PRKCB: variants seen among roughly 807,000 people sequenced by gnomAD.
PRKCB encodes protein kinase C beta.
Under a neutral mutation model 81.5 loss-of-function variants are expected in PRKCB, and 13 were observed. The ratio of observed to expected loss-of-function variants is 0.16; its 90% CI spans 0.10 to 0.25. The LOEUF (loss-of-function observed/expected upper bound fraction) is 0.25, where lower values mean the gene tolerates loss of function less well. Among genes scored for constraint, PRKCB ranks in the 10% least tolerant of loss-of-function variants. The pLI is 1.00. For missense variants in PRKCB, 509 were observed against 875.7 expected (o/e 0.58, Z 5.29); for synonymous variants, 335 against 321.4 (o/e 1.04, Z -0.45).
intron 16 of PRKCB, among the ~76,000 whole-genome samples, chr16:24,209,382 A>G (rs1164207137): frequency 6.6e-6 from 1 of 152,034 alleles, no homozygotes; most frequent in Non-Finnish European, 1.5e-5. Context: ...TGCCACGGCC[A>G]CCAATCTAGC....
intron 2 of PRKCB, among the ~76,000 whole-genome samples, chr16:23,853,016 C>T (rs2045451062): frequency 6.6e-6 from 1 of 152,168 alleles, no homozygotes; most frequent in Admixed American, 6.6e-5. Flanking sequence ...TGCCGTTTGC[C>T]TTCTTTGGGG....
Position 23,936,194 on chromosome 16 carries a change from GT to G in PRKCB, c.206-52302del, listed in dbSNP as rs372807417. ...TACTGCAACCCCTATTCTCCACCTTGTTTTTTTTTTTTCCTGCTAATATTTG... is the reference window on the plus strand; with the variant it reads ...TACTGCAACCCCTATTCTCCACCTTGTTTTTTTTTTTCCTGCTAATATTTG... On this transcript the variant is annotated intron_variant, in intron 2 of 16. Transcript: ENST00000643927. 2.9e-3 allele frequency among the ~76,000 whole-genome samples: 415 copies of G among 142,378 alleles called. 2 individuals are homozygous for G. The highest frequency in any genetic ancestry group is 7.7e-3 in the East Asian group (38 of 4,924). 93.4% of individuals were successfully genotyped at this position (142,378 alleles called of 152,430 possible). A position where few individuals can be genotyped will look rare whatever the true frequency, so the allele number is the denominator to read the frequency against.
intron 5 of PRKCB, among the ~76,000 whole-genome samples, chr16:24,086,137 C>A (rs887787599): frequency 2.0e-5 from 3 of 152,086 alleles, no homozygotes; most frequent in African/African-American, 7.2e-5. Context: ...CTCATAAAAG[C>A]CACAGCATCA....
At chr16:23,993,231 G>C (rs1364443283) in intron 3 of PRKCB, among the ~76,000 whole-genome samples, 1 of 152,128 alleles carries the variant, frequency 6.6e-6, no homozygotes, top group Non-Finnish European at 1.5e-5. Flanking sequence ...TGATATTAAG[G>C]GGGTAGGATA....
chr16:24,138,383 C>T (rs1029542140), intron 9 of PRKCB, among the ~76,000 whole-genome samples: 3 of 152,214 alleles, frequency 2.0e-5, no homozygotes, highest in African/African-American at 7.2e-5. Flanking sequence ...GGTTTCATTT[C>T]ATTCTCTTTC....
chr16:24,134,904 CTG>C (rs1376156490), intron 9 of PRKCB, among the ~76,000 whole-genome samples: 4 of 152,084 alleles, frequency 2.6e-5, no homozygotes, highest in Admixed American at 2.6e-4. Context: ...GAGGGACACC[CTG>C]TCTCTTATAT....
At chr16:23,837,190 A>T (rs1264611876) in intron 1 of PRKCB, 185 bp from the exon 2 acceptor site, 2 of 737,922 alleles carry the variant, frequency 2.7e-6, no homozygotes, top group African/African-American at 1.8e-5. Flanking sequence ...GTGAAGGCAG[A>T]TGGGGGTTAC....
intron 9 of PRKCB, among the ~76,000 whole-genome samples, chr16:24,124,319 A>G (rs974730815): frequency 2.0e-5 from 3 of 152,118 alleles, no homozygotes; most frequent in Non-Finnish European, 4.4e-5. Context: ...CATCCTAGGA[A>G]CCATCAGAAG....
chr16:24,118,392 A>G (rs1487996882), intron 8 of PRKCB, among the ~76,000 whole-genome samples: 2 of 152,268 alleles, frequency 1.3e-5, no homozygotes, highest in Non-Finnish European at 2.9e-5. Context: ...GGATAAATAA[A>G]GCTCAGAACA....
At position 23,837,384 on chromosome 16, in the gene PRKCB, G is replaced by A; in HGVS notation, c.183G>A (p.Gly61=). The A allele has an allele frequency of 6.2e-7, 1 of 1,613,394 alleles. No individual in the cohort carries two copies. The highest frequency in any genetic ancestry group is 8.5e-7 in the Non-Finnish European group (1 of 1,179,674). Residue 61 remains glycine (G), a synonymous_variant, in exon 2 of 17, where the codon GGG becomes GGA. Transcript: ENST00000643927. ...SHCTDFIWGF[G]KQGFQCQVCC... ...CCTTCTGCTTTTGCAGGGGCTTCGG[G>A]AAGCAGGGATTCCAGTGCCAAGGTA...
chr16:24,044,097 G>A (rs906812187), intron 5 of PRKCB, among the ~76,000 whole-genome samples: 3 of 152,106 alleles, frequency 2.0e-5, no homozygotes, highest in African/African-American at 7.2e-5. Context: ...GCTCACACCT[G>A]TAATCCCAGC....
intron 16 of PRKCB, among the ~76,000 whole-genome samples, chr16:24,206,617 C>T (rs1038571025): frequency 6.6e-6 from 1 of 152,208 alleles, no homozygotes. Flanking sequence ...TCCAAAGAAG[C>T]AATGTCTCTC....
intron 16 of PRKCB, among the ~76,000 whole-genome samples, chr16:24,192,782 C>G (rs1388470500): frequency 6.6e-6 from 1 of 152,080 alleles, no homozygotes; most frequent in Non-Finnish European, 1.5e-5. Context: ...GGTCTCCACC[C>G]CAGACCTCCT....
chr16:24,154,913 C>T, intron 10 of PRKCB, 56 bp downstream of exon 10: 1 of 1,561,144 alleles, frequency 6.4e-7, no homozygotes, highest in Non-Finnish European at 8.7e-7. Context: ...CAGGCTTTGG[C>T]CAAAGCTATC....
Position 24,217,676 on chromosome 16 carries a change from C to G in PRKCB, c.*2860C>G. The G allele has an allele frequency of 1.0e-6, 1 of 985,548 alleles. No homozygotes were observed. The highest frequency in any genetic ancestry group is 1.2e-6 in the Non-Finnish European group (1 of 830,068). The allele number at this position is 985,548 out of a possible 1,614,324, so 61.1% of individuals were successfully genotyped here. ...CACCAGCACAACAAACGGGGCAGGGCTTTCCAAGGTGGGGCTGGTCAGAAG... is the reference window on the plus strand; with the variant it reads ...CACCAGCACAACAAACGGGGCAGGGGTTTCCAAGGTGGGGCTGGTCAGAAG... On this transcript the variant is annotated 3_prime_UTR_variant, in exon 17 of 17. Coordinates refer to ENST00000643927, the MANE Select transcript of PRKCB (RefSeq NM_002738.7).
intron 2 of PRKCB, among the ~76,000 whole-genome samples, chr16:23,916,344 T>G (rs1963739546): frequency 1.3e-5 from 2 of 152,028 alleles, no homozygotes; most frequent in Admixed American, 6.6e-5. Context: ...ATTACAGGCT[T>G]GAGCACCATG....
intron 16 of PRKCB, among the ~76,000 whole-genome samples, chr16:24,202,249 T>A (rs946367640): frequency 4.6e-5 from 7 of 152,172 alleles, no homozygotes; most frequent in Non-Finnish European, 1.0e-4. Context: ...CTGCTATGAT[T>A]ACTACCCTAC....
chr16:24,037,252 G>A (rs1384816038), intron 5 of PRKCB, among the ~76,000 whole-genome samples: 3 of 152,172 alleles, frequency 2.0e-5, no homozygotes, highest in African/African-American at 7.2e-5. Flanking sequence ...GCCTCCCAAA[G>A]TGCTGGGATT....
At chr16:24,049,872 G>A (rs1400968737) in intron 5 of PRKCB, among the ~76,000 whole-genome samples, 1 of 152,140 alleles carries the variant, frequency 6.6e-6, no homozygotes. Flanking sequence ...GGGAATCAGA[G>A]TCACTATAAG....
Sources: allele counts gnomAD v4.1 joint callset (sites outside exome capture counted in the v4.1 genomes callset), GRCh38; gene constraint gnomAD v4.1.1; transcripts MANE v1.5; gene names NCBI Gene and HGNC (gene_info 2026-07-23, HGNC 2026-07-21).